The following PPARA variants were observed in gnomAD, a reference collection of about 807,000 sequenced individuals.
PPARA encodes the protein peroxisome proliferator activated receptor alpha, also known as peroxisome proliferator-activated receptor alpha.
Under a neutral mutation model 42.2 loss-of-function variants are expected in PPARA, and 22 were observed. The ratio of observed to expected loss-of-function variants is 0.52; its 90% CI spans 0.37 to 0.74. PPARA has a LOEUF of 0.74. PPARA is among the 30% of genes least tolerant of loss of function. The probability of loss-of-function intolerance (pLI) is 0.00; values close to 1 mark genes in which losing one functional copy is unlikely to be tolerated. For missense variants in PPARA, 465 were observed against 608.2 expected, an observed-to-expected ratio of 0.76 and a Z score of 2.48; for synonymous variants, 242 against 239.3, an observed-to-expected ratio of 1.01 and a Z score of -0.10.
intron 2 of PPARA, among the ~76,000 whole-genome samples, chr22:46,157,678 A>G (rs1365693901): frequency 1.3e-5 from 2 of 152,208 alleles, no homozygotes; most frequent in Non-Finnish European, 2.9e-5. Flanking sequence ...AACTGACTTC[A>G]TAGGGAAGGG....
rs1936221593 is a variant in PPARA, at chr22:46,236,713, C to T, written c.*1333C>T. The T allele has an allele frequency of 6.6e-6, 1 of 152,646 alleles. No individual in the cohort carries two copies. The highest frequency in any genetic ancestry group is 2.4e-5 in the African/African-American group (1 of 41,464). 9.5% of individuals were successfully genotyped at this position (152,646 alleles called of 1,614,324 possible). On this transcript the variant is annotated 3_prime_UTR_variant, in exon 9 of 9. Coordinates refer to ENST00000407236, the MANE Select transcript of PPARA (RefSeq NM_005036.6). This position sits in a 1 kb window ranked among gnomAD's most constrained non-coding sequence, Gnocchi z 5.2. ...AGACGAGGCACATGTGTCTTCATAG[C>T]CTGGGCTGGGTGGGAGCCAGTCACC...
At position 46,195,808 on chromosome 22, in the gene PPARA, G is replaced by T. The variant is rs981124360; in HGVS notation, c.-42-2534G>T. On this transcript the variant is annotated intron_variant, in intron 3 of 8. Coordinates refer to ENST00000407236, the MANE Select transcript of PPARA (RefSeq NM_005036.6). The surrounding 1 kb of genome is among the most constrained non-coding windows in gnomAD (Gnocchi z 4.6). ...GGCTGGTAGCAGCACATACCCCCGA[G>T]CCTCTCCGTGGTGTGCGCCGTGGGC... Among the ~76,000 whole-genome samples the T allele has an allele frequency of 6.6e-6, 1 of 152,188 alleles. No individual in the cohort carries two copies. Among genetic ancestry groups the T allele is most frequent in the African/African-American group, 2.4e-5 (1 of 41,442 alleles).
rs1387472382 is a variant in PPARA at position 46,196,624 on chromosome 22, AC to A, written c.-42-1714del. Among the ~76,000 whole-genome samples the A allele has an allele frequency of 1.3e-5, 2 of 150,834 alleles. No individual in the cohort carries two copies. The highest frequency in any genetic ancestry group is 3.0e-5 in the Non-Finnish European group (2 of 67,736). On this transcript the variant is annotated intron_variant, in intron 3 of 8. Transcript: ENST00000407236. The surrounding 1 kb of genome is among the most constrained non-coding windows in gnomAD (Gnocchi z 5.6). ...AATCAGTGAGGCCTTCCCTGGCCTCACCCCGGACACTCCACACGTGCATTCA... is the reference window on the plus strand; with the variant it reads ...AATCAGTGAGGCCTTCCCTGGCCTCACCCGGACACTCCACACGTGCATTCA...
chr22:46,174,119 A>T (rs1432687552), intron 2 of PPARA, among the ~76,000 whole-genome samples: 1 of 151,252 alleles, frequency 6.6e-6, no homozygotes, highest in Admixed American at 6.6e-5. Flanking sequence ...CAGAGGTTAC[A>T]GTGAGCCGAG....
intron 5 of PPARA, among the ~76,000 whole-genome samples, chr22:46,217,015 G>A (rs1934555871): frequency 6.6e-6 from 1 of 152,158 alleles, no homozygotes; most frequent in African/African-American, 2.4e-5. Flanking sequence ...TACCATCTTG[G>A]AACACCAGCA....
chr22:46,219,437 T>C lies in PPARA; in HGVS notation c.509-375T>C, dbSNP rs535207556. Among the ~76,000 whole-genome samples, 54 of 152,334 alleles carry C rather than the reference T, an allele frequency of 3.5e-4. No homozygotes were observed. Among genetic ancestry groups the C allele is most frequent in the African/African-American group, 1.3e-3 (53 of 41,572 alleles). ...AAGTCGTTCATAAGAGTTGCATGTC[T>C]ACCTTCTGGAAAAAGAAGCAGTTAT... On this transcript the variant is annotated intron_variant, in intron 6 of 8. Transcript: ENST00000407236. The surrounding 1 kb of genome is among the most constrained non-coding windows in gnomAD (Gnocchi z 4.8).
chr22:46,181,092 T>C (rs1929890627), intron 3 of PPARA, among the ~76,000 whole-genome samples: 1 of 151,598 alleles, frequency 6.6e-6, no homozygotes, highest in Non-Finnish European at 1.5e-5. Flanking sequence ...ACAGTGAGAG[T>C]AGCTCACTGA....
At chr22:46,177,134 A>C (rs550931401) in intron 3 of PPARA, among the ~76,000 whole-genome samples, 13 of 152,000 alleles carry the variant, frequency 8.6e-5, no homozygotes, top group South Asian at 2.1e-4. Flanking sequence ...TGGCGTGAAC[A>C]CAGGAGGCAG....
At chr22:46,174,390 A>C (rs185294230) in intron 2 of PPARA, among the ~76,000 whole-genome samples, 26 of 152,160 alleles carry the variant, frequency 1.7e-4, no homozygotes, top group African/African-American at 5.5e-4. Context: ...AGTACTTCCA[A>C]ATAAAAAGTT....
chr22:46,174,922 T>C (rs1330118095), intron 2 of PPARA, among the ~76,000 whole-genome samples: 2 of 152,106 alleles, frequency 1.3e-5, no homozygotes, highest in South Asian at 2.1e-4. Flanking sequence ...TTTTACTTTT[T>C]TTTTTTTGAG....
At chr22:46,218,823 G>A (rs1467771341) in intron 6 of PPARA, among the ~76,000 whole-genome samples, 1 of 135,464 alleles carries the variant, frequency 7.4e-6, no homozygotes, top group Admixed American at 7.8e-5. Context: ...GACAGAGGGA[G>A]ATTCCGTCTC....
intron 2 of PPARA, among the ~76,000 whole-genome samples, chr22:46,170,431 T>C (rs12484245): frequency 0.17 from 12,634 of 73,890 alleles, 876 homozygotes; most frequent in South Asian, 0.26. Flanking sequence ...TTTTTTTTTG[T>C]AGGGACGGGG....
At chr22:46,153,058 C>T (rs999666245) in intron 2 of PPARA, among the ~76,000 whole-genome samples, 1 of 152,060 alleles carries the variant, frequency 6.6e-6, no homozygotes, top group Non-Finnish European at 1.5e-5. Context: ...TGCACTGCAG[C>T]CTGGGCGCCA....
Position 46,218,335 on chromosome 22 carries a change from A to G in PPARA, c.442A>G (p.Lys148Glu). The G allele has an allele frequency of 6.2e-7, 1 of 1,614,154 alleles. No homozygotes were observed. Among genetic ancestry groups the G allele is most frequent in the Non-Finnish European group, 8.5e-7 (1 of 1,180,040 alleles). The change falls in exon 6 of 9, where the codon AAG becomes GAG. Residue 148 changes from lysine to glutamate, a missense_variant. Transcript: ENST00000407236. ...KCDRSCKIQKKNRNKCQYCRF... is the reference protein window; with the variant it reads ...KCDRSCKIQKENRNKCQYCRF... ...CGACCGCAGCTGCAAGATCCAGAAA[A>G]AGAACAGAAACAAATGCCAGTATTG...
Position 46,233,342 on chromosome 22 carries a change from G to C in PPARA, c.1159+1103G>C, listed in dbSNP as rs1281916855. 3.3e-5 allele frequency among the ~76,000 whole-genome samples: 5 copies of C among 152,114 alleles called. No homozygotes were observed. Among genetic ancestry groups the C allele is most frequent in the African/African-American group, 1.2e-4 (5 of 41,416 alleles). ...TCTGCAGCCTCCACATTTTTGGCTC[G>C]GTGTCACGTTCCTTTAAATAGCCCC... is the stretch of plus-strand genomic sequence containing the variant. On this transcript the variant is annotated intron_variant, in intron 8 of 8. Coordinates refer to ENST00000407236, the MANE Select transcript of PPARA (RefSeq NM_005036.6). The surrounding 1 kb of genome is among the most constrained non-coding windows in gnomAD (Gnocchi z 7.3).
rs1933975225 is a variant in PPARA at position 46,211,925 on chromosome 22, C to G, written c.209-3248C>G. ...GCCAGGCTGGTCTCGAACTCCTGACCTTGTGATCCACCTACCTCGGCCTCC... is the reference window on the plus strand; with the variant it reads ...GCCAGGCTGGTCTCGAACTCCTGACGTTGTGATCCACCTACCTCGGCCTCC... On this transcript the variant is annotated intron_variant, in intron 4 of 8. Coordinates refer to ENST00000407236, the MANE Select transcript of PPARA (RefSeq NM_005036.6). The surrounding 1 kb of genome is among the most constrained non-coding windows in gnomAD (Gnocchi z 4.1). Among the ~76,000 whole-genome samples, 1 of 152,190 alleles carries G rather than the reference C, an allele frequency of 6.6e-6. No individual in the cohort carries two copies. Among genetic ancestry groups the G allele is most frequent in the Non-Finnish European group, 1.5e-5 (1 of 68,032 alleles).
At chr22:46,152,850 T>C (rs1924651951) in intron 2 of PPARA, among the ~76,000 whole-genome samples, 2 of 152,072 alleles carry the variant, frequency 1.3e-5, no homozygotes, top group Non-Finnish European at 2.9e-5. Flanking sequence ...CTTTGGAAGC[T>C]GGGGTGGGCA....
rs971499883 is a variant in PPARA at position 46,156,941 on chromosome 22, G to A, written c.-127+4971G>A. 7.2e-5 allele frequency among the ~76,000 whole-genome samples: 11 copies of A among 152,118 alleles called. No individual in the cohort carries two copies. The highest frequency in any genetic ancestry group is 2.7e-4 in the African/African-American group (11 of 41,412). On this transcript the variant is annotated intron_variant, in intron 2 of 8. Transcript: ENST00000407236. This position sits in a 1 kb window ranked among gnomAD's most constrained non-coding sequence, Gnocchi z 5.2. Reference sequence around the variant, plus strand: ...AAGGTGATTGTGACCTCAGGTTTTGGCAGGGCTATACCTTGTGTTTGCTCT... The same window carrying A: ...AAGGTGATTGTGACCTCAGGTTTTGACAGGGCTATACCTTGTGTTTGCTCT...
chr22:46,226,017 TCA>T (rs1276381509), intron 7 of PPARA, among the ~76,000 whole-genome samples: 2 of 151,286 alleles, frequency 1.3e-5, no homozygotes, highest in Non-Finnish European at 2.9e-5. Flanking sequence ...ACACATGCAT[TCA>T]CACAGATGCA....
Sources: allele counts gnomAD v4.1 joint callset (sites outside exome capture counted in the v4.1 genomes callset), GRCh38; gene constraint gnomAD v4.1.1; non-coding constraint Gnocchi (gnomAD v3.1); transcripts MANE v1.5; gene names NCBI Gene and HGNC (gene_info 2026-07-23, HGNC 2026-07-21).